Variants in FLNA observed in about 807,000 individuals in gnomAD.
FLNA encodes filamin A.
In FLNA, 7 loss-of-function variants were observed where a neutral mutation model predicts 157.6. The ratio of observed to expected loss-of-function variants is 0.04; its 90% CI spans 0.03 to 0.08. The LOEUF (loss-of-function observed/expected upper bound fraction) is 0.08, where lower values mean the gene tolerates loss of function less well. FLNA is among the 10% of genes least tolerant of loss of function. The pLI is 1.00. For synonymous variants in FLNA, 1,103 were observed against 1,060.8 expected, an observed-to-expected ratio of 1.04 and a Z score of -0.77; for missense variants, 1,750 against 2,398.4, an observed-to-expected ratio of 0.73 and a Z score of 5.65.
chrX:154,358,827 C>T (rs2067681992), intron 26 of FLNA, among the ~76,000 whole-genome samples, 157 bp downstream of exon 26: 1 of 112,101 alleles, frequency 8.9e-6, no homozygotes, highest in African/African-American at 3.2e-5. Flanking sequence ...AAGTCCCCCA[C>T]CTGGCTGCAC....
rs1320726395 is a variant in FLNA, at chrX:154,364,914, C to G, written c.1735G>C (p.Val579Leu). The part of the protein sequence containing the change: ...KVGTECGNQK[V>L]RAWGPGLEGG... ...TCCAGCCCAGGGCCCCAGGCCCGTA[C>G]CTTCTGATTGCCACACTCGGTGCCC... The change falls in exon 12 of 48, where the codon GTA becomes CTA. Residue 579 changes from valine (V) to leucine (L), a missense_variant. Coordinates refer to ENST00000369850, the MANE Select transcript of FLNA (RefSeq NM_001110556.2). 4.1e-6 allele frequency: 5 copies of G among 1,210,079 alleles called. No individual in the cohort carries two copies. Among genetic ancestry groups the G allele is most frequent in the Admixed American group, 2.2e-5 (1 of 45,926 alleles).
At chrX:154,355,467 C>T (rs782087270) in intron 30 of FLNA, among the ~76,000 whole-genome samples, 3 of 113,933 alleles carry the variant, frequency 2.6e-5, no homozygotes, top group East Asian at 5.5e-4. Context: ...GGCCTGGCCC[C>T]GGCCCCCATT....
intron 7 of FLNA, 27 bp from the exon 8 acceptor site, chrX:154,366,497 G>A: frequency 8.3e-7 from 1 of 1,210,689 alleles, no homozygotes; most frequent in Non-Finnish European, 1.1e-6. Context: ...GGGCCGTGAG[G>A]GTAGGGCTGG....
chrX:154,368,242 C>G (rs1394163445), intron 2 of FLNA, 152 bp from the exon 3 acceptor site: 6 of 808,465 alleles, frequency 7.4e-6, no homozygotes, highest in Non-Finnish European at 9.2e-6. Context: ...TGGATGAGGC[C>G]CTCTCTGCCC....
Position 154,367,603 on chromosome X carries a change from C to T in FLNA, c.720+38G>A, listed in dbSNP as rs1334753949. 5.0e-6 allele frequency: 6 copies of T among 1,209,134 alleles called. No individual in the cohort carries two copies. In the East Asian group the frequency reaches 8.9e-5, roughly 18 times the overall value. On this transcript the variant is annotated intron_variant, in intron 4 of 47. Transcript: ENST00000369850. ...TCCGAGTCTCTCCCAACTGCCGATC[C>T]GGTCCCCTACAGCTGTAGCCAGGCC...
At chrX:154,370,386 C>T (rs923818282) in intron 2 of FLNA, among the ~76,000 whole-genome samples, 5 of 112,202 alleles carry the variant, frequency 4.5e-5, no homozygotes, top group African/African-American at 1.6e-4. Flanking sequence ...ACCCATCCTC[C>T]AGGGACACAA....
intron 44 of FLNA, 165 bp from the exon 45 acceptor site, chrX:154,350,372 C>G: frequency 4.2e-6 from 2 of 477,013 alleles, no homozygotes; most frequent in Non-Finnish European, 7.2e-6. Flanking sequence ...TCCTGAGGGC[C>G]GAAGGTTTAG....
At chrX:154,367,362 G>A in intron 5 of FLNA, 35 bp downstream of exon 5, 1 of 1,204,047 alleles carries the variant, frequency 8.3e-7, no homozygotes, top group Non-Finnish European at 1.1e-6. Flanking sequence ...GGAAGACGTT[G>A]GCACACGGGT....
intron 21 of FLNA, among the ~76,000 whole-genome samples, 162 bp from the exon 22 acceptor site, chrX:154,360,749 T>C (rs1396110826): frequency 2.7e-5 from 3 of 111,547 alleles, no homozygotes; most frequent in African/African-American, 9.8e-5. Flanking sequence ...CCATCAGTCA[T>C]AAGGACAAAA....
In FLNA at chrX:154,350,089, A is replaced by G. The variant is rs781857682; in HGVS notation, c.7275T>C (p.His2425=). 8.3e-6 allele frequency: 10 copies of G among 1,211,303 alleles called. No homozygotes were observed. The highest frequency in any genetic ancestry group is 1.1e-5 in the Non-Finnish European group (10 of 895,049). ...PFKIRVGEPG[H]GGDPGLVSAY... ...CAGACACCAAGCCTGGGTCCCCTCC[A>G]TGCCCAGGCTCCCCAACTCGGATCT... is the stretch of plus-strand genomic sequence containing the variant. The change falls in exon 45 of 48, where the codon CAT becomes CAC. Residue 2425 remains histidine (H), a synonymous_variant. Coordinates refer to ENST00000369850, the MANE Select transcript of FLNA (RefSeq NM_001110556.2).
At position 154,370,916 on chromosome X, in the gene FLNA, C is replaced by A. The variant is rs1557180181; in HGVS notation, c.330G>T (p.Ala110=). 8.3e-7 allele frequency: 1 copy of A among 1,210,468 alleles called. No individual in the cohort carries two copies. Among genetic ancestry groups the A allele is most frequent in the East Asian group, 3.0e-5 (1 of 33,813 alleles). The change falls in exon 2 of 48, where the codon GCG becomes GCT. Residue 110 remains alanine, a synonymous_variant. Coordinates refer to ENST00000369850, the MANE Select transcript of FLNA (RefSeq NM_001110556.2). ...RQMQLENVSV[A]LEFLDRESIK... ...TGCTCTCGCGGTCCAGGAACTCGAG[C>A]GCCACCGACACGTTCTCAAGCTGCA...
intron 1 of FLNA, 25 bp from the exon 2 acceptor site, chrX:154,371,386 A>T: frequency 3.1e-6 from 2 of 638,612 alleles, no homozygotes; most frequent in Non-Finnish European, 4.3e-6. Context: ...AGCCCTTTAA[A>T]TGCGGGAGGA....
chrX:154,370,716 CT>C (rs1350995344), intron 2 of FLNA, among the ~76,000 whole-genome samples, 156 bp downstream of exon 2: 6 of 113,018 alleles, frequency 5.3e-5, no homozygotes, highest in Non-Finnish European at 1.1e-4. Flanking sequence ...GCCCGCGCGC[CT>C]TTGTTCTGCA....
chrX:154,371,166 T>C lies in FLNA; in HGVS notation c.80A>G (p.Glu27Gly). 8.4e-7 allele frequency: 1 copy of C among 1,197,444 alleles called. No homozygotes were observed. Among genetic ancestry groups the C allele is most frequent in the Non-Finnish European group, 1.1e-6 (1 of 888,962 alleles). ...PGGGVDTRDA[E>G]MPATEKDLAE... Reference sequence around the variant, plus strand: ...CAGGTCCTTCTCGGTGGCCGGCATCTCGGCGTCCCGCGTGTCGACGCCGCC... The same window carrying C: ...CAGGTCCTTCTCGGTGGCCGGCATCCCGGCGTCCCGCGTGTCGACGCCGCC... The change falls in exon 2 of 48, where the codon GAG (glutamate) becomes GGG (glycine). Residue 27 changes from glutamate (E) to glycine (G), a missense_variant. By Grantham distance (98) the Glu-to-Gly change is moderately conservative. This residue lies in a region of FLNA where 58 missense variants were observed against 27.8 expected (regional missense o/e 2.09). Transcript: ENST00000369850.
chrX:154,357,728 C>G (rs1557177141), intron 28 of FLNA, 105 bp from the exon 29 acceptor site: 6 of 764,909 alleles, frequency 7.8e-6, no homozygotes, highest in Non-Finnish European at 9.9e-6. Flanking sequence ...GGGACAGTCT[C>G]TGGGCCTCAG....
chrX:154,374,068 G>C (rs1310141986), intron 1 of FLNA, among the ~76,000 whole-genome samples: 7 of 112,527 alleles, frequency 6.2e-5, no homozygotes, highest in African/African-American at 2.3e-4. Context: ...CTGTGGACTC[G>C]AGCCAGCAAG....
At chrX:154,356,904 G>A (rs1603360239) in intron 30 of FLNA, among the ~76,000 whole-genome samples, 1 of 112,353 alleles carries the variant, frequency 8.9e-6, no homozygotes, top group East Asian at 2.8e-4. Context: ...CTCAGCCCAC[G>A]CAGGAGCCCT....
intron 16 of FLNA, 34 bp from the exon 17 acceptor site, chrX:154,362,612 C>G: frequency 1.7e-6 from 2 of 1,210,764 alleles, no homozygotes; most frequent in Non-Finnish European, 2.2e-6. Context: ...GCTGAGACCT[C>G]GCAGGGACAC....
At chrX:154,354,516 C>T in intron 32 of FLNA, 33 bp from the exon 33 acceptor site, 1 of 1,186,035 alleles carries the variant, frequency 8.4e-7, no homozygotes, top group Non-Finnish European at 1.1e-6. Flanking sequence ...GGGTGAGGGA[C>T]AGTGGGAGGA....
Sources: gnomAD v4.1 joint callset for allele counts (sites outside exome capture counted in the v4.1 genomes callset) on GRCh38, gnomAD v4.1.1 for gene constraint, gnomAD v4.1.1 regional missense constraint, MANE v1.5 for transcripts, NCBI Gene and HGNC (gene_info 2026-07-23, HGNC 2026-07-21) for gene names.